The following SLC25A42 variants were observed in gnomAD, a reference collection of about 807,000 sequenced individuals.
The protein encoded by SLC25A42 is mitochondrial coenzyme A transporter SLC25A42.
A neutral mutation model predicts 34.7 loss-of-function variants in SLC25A42; 19 were observed. That is an observed-to-expected ratio of 0.55 (90% CI 0.38 to 0.80). The LOEUF is 0.80. Among genes scored for constraint, SLC25A42 ranks in the 30% least tolerant of loss-of-function variants. The pLI, the probability that SLC25A42 is intolerant of heterozygous loss-of-function variation, is 0.00. For synonymous variants in SLC25A42, 205 were observed against 191.2 expected (o/e 1.07, Z -0.59); for missense variants, 364 against 441.3 (o/e 0.82, Z 1.57).
chr19:19,071,965 C>A (rs1315196362), intron 1 of SLC25A42, among the ~76,000 whole-genome samples: 2 of 152,104 alleles, frequency 1.3e-5, no homozygotes, highest in African/African-American at 4.8e-5. Context: ...GGGAGATTAA[C>A]CTGTGGGGGG....
At chr19:19,088,058 C>G (rs1316080623) in intron 1 of SLC25A42, among the ~76,000 whole-genome samples, 2 of 152,186 alleles carry the variant, frequency 1.3e-5, no homozygotes, top group Admixed American at 1.3e-4. Flanking sequence ...GTTTCCGGAG[C>G]TGGTTGCTGC....
chr19:19,069,716 A>T (rs369901126), intron 1 of SLC25A42, among the ~76,000 whole-genome samples: 1 of 152,090 alleles, frequency 6.6e-6, no homozygotes, highest in African/African-American at 2.4e-5. Flanking sequence ...GTGCAGTGAT[A>T]TGATCATAGT....
Position 19,096,162 on chromosome 19 carries a change from A to G in SLC25A42, c.38A>G (p.His13Arg). ...GTGAAGGAAGGCCCGGTGCGATTGCATGAGGATGCTGAGGCTGTCCTGTCC... is the reference window on the plus strand; with the variant it reads ...GTGAAGGAAGGCCCGGTGCGATTGCGTGAGGATGCTGAGGCTGTCCTGTCC... ...NGVKEGPVRLHEDAEAVLSSS... is the reference protein window; with the variant it reads ...NGVKEGPVRLREDAEAVLSSS... Residue 13 changes from histidine (H) to arginine (R), a missense_variant, in exon 2 of 8, where the codon CAT (histidine) becomes CGT (arginine). Physicochemically the swap from His to Arg is conservative, Grantham distance 29. Transcript: ENST00000318596. The G allele has an allele frequency of 6.2e-7, 1 of 1,613,254 alleles. No individual in the cohort carries two copies. The highest frequency in any genetic ancestry group is 1.1e-5 in the South Asian group (1 of 91,074).
At chr19:19,108,216 C>T (rs960900618) in intron 7 of SLC25A42, among the ~76,000 whole-genome samples, 171 bp downstream of exon 7, 8 of 152,122 alleles carry the variant, frequency 5.3e-5, no homozygotes, top group Non-Finnish European at 7.4e-5. Flanking sequence ...TGTGTGCAGC[C>T]GCCACTGAGG....
intron 1 of SLC25A42, among the ~76,000 whole-genome samples, chr19:19,089,992 G>A (rs2059729764): frequency 6.6e-6 from 1 of 152,232 alleles, no homozygotes; most frequent in Non-Finnish European, 1.5e-5. Context: ...TGCCTTCTGA[G>A]CTTTCCTTGG....
Position 19,095,958 on chromosome 19 carries a change from G to A in SLC25A42, c.-34-133G>A, listed in dbSNP as rs553201626. 9.8e-6 allele frequency: 7 copies of A among 710,684 alleles called. No homozygotes were observed. The East Asian group carries it at 1.3e-4, about 14-fold the overall frequency. 44.0% of individuals were successfully genotyped at this position (710,684 alleles called of 1,614,324 possible). ...ATGATTAAGCAGTACACACAGGACC[G>A]TGGCTGCGGAATGCAGTTGAGGGCA... On this transcript the variant is annotated intron_variant, in intron 1 of 7. Coordinates refer to ENST00000318596, the MANE Select transcript of SLC25A42 (RefSeq NM_178526.5).
At chr19:19,105,497 C>T in intron 4 of SLC25A42, 64 bp from the exon 5 acceptor site, 1 of 1,565,078 alleles carries the variant, frequency 6.4e-7, no homozygotes. Flanking sequence ...CTCTGCTGGT[C>T]ACAGAGGCCC....
At chr19:19,095,952 A>G in intron 1 of SLC25A42, 139 bp from the exon 2 acceptor site, 1 of 707,832 alleles carries the variant, frequency 1.4e-6, no homozygotes, top group Non-Finnish European at 2.6e-6. Context: ...CAGTACACAC[A>G]GGACCGTGGC....
At chr19:19,107,635 AAAAC>A (rs1440673428) in intron 6 of SLC25A42, among the ~76,000 whole-genome samples, 1 of 152,198 alleles carries the variant, frequency 6.6e-6, no homozygotes, top group Non-Finnish European at 1.5e-5. Flanking sequence ...TCTCAAAACA[AAAAC>A]AAAGAAACAA....
At chr19:19,098,668 C>G (rs1035758881) in intron 2 of SLC25A42, among the ~76,000 whole-genome samples, 1 of 152,092 alleles carries the variant, frequency 6.6e-6, no homozygotes, top group African/African-American at 2.4e-5. Flanking sequence ...CCTGTAATCC[C>G]AACACTTTGG....
At chr19:19,090,145 T>A (rs1172016866) in intron 1 of SLC25A42, among the ~76,000 whole-genome samples, 2 of 152,168 alleles carry the variant, frequency 1.3e-5, no homozygotes, top group Non-Finnish European at 2.9e-5. Flanking sequence ...AAGGCCAAGT[T>A]TGGGTTTTGA....
At position 19,110,563 on chromosome 19, in the gene SLC25A42, C is replaced by T. The variant is rs1256662233; in HGVS notation, c.650-6C>T. 7.1e-7 allele frequency: 1 copy of T among 1,407,542 alleles called. No homozygotes were observed. The highest frequency in any genetic ancestry group is 9.2e-7 in the Non-Finnish European group (1 of 1,089,228). The allele number at this position is 1,407,542 out of a possible 1,614,324, so 87.2% of individuals were successfully genotyped here. ...CTTCACGGCCCTCCCGCCCCTCGCC[C>T]TGCAGAGTACAGCGGCCGCCGGCAG... On this transcript the variant is annotated splice_polypyrimidine_tract_variant and splice_region_variant and intron_variant, in intron 7 of 7. Coordinates refer to ENST00000318596, the MANE Select transcript of SLC25A42 (RefSeq NM_178526.5).
intron 1 of SLC25A42, among the ~76,000 whole-genome samples, chr19:19,071,018 G>T (rs1353676332): frequency 3.5e-5 from 5 of 141,356 alleles, no homozygotes; most frequent in African/African-American, 1.2e-4. Flanking sequence ...TTTAATACAG[G>T]GTCTCACTTT....
intron 1 of SLC25A42, among the ~76,000 whole-genome samples, chr19:19,070,095 A>T (rs900298871): frequency 4.0e-5 from 6 of 149,406 alleles, no homozygotes; most frequent in Admixed American, 1.3e-4. Context: ...CCAGGTTCAC[A>T]CCATTCTCCT....
At chr19:19,095,490 G>A (rs1160950400) in intron 1 of SLC25A42, among the ~76,000 whole-genome samples, 1 of 152,114 alleles carries the variant, frequency 6.6e-6, no homozygotes, top group African/African-American at 2.4e-5. Flanking sequence ...GCAGGCGCCT[G>A]TAGTCCCAGC....
chr19:19,085,965 G>A (rs2059706253), intron 1 of SLC25A42, among the ~76,000 whole-genome samples: 1 of 152,210 alleles, frequency 6.6e-6, no homozygotes, highest in Admixed American at 6.5e-5. Flanking sequence ...GCCCCTGGGT[G>A]TAGCCACGCT....
At chr19:19,066,453 C>T (rs1568504289) in intron 1 of SLC25A42, among the ~76,000 whole-genome samples, 2 of 131,778 alleles carry the variant, frequency 1.5e-5, no homozygotes, top group Non-Finnish European at 1.6e-5. Context: ...TTTTTTCTTT[C>T]TTTTTTTTTT....
chr19:19,097,203 G>T (rs554071110), intron 2 of SLC25A42, among the ~76,000 whole-genome samples: 2 of 152,228 alleles, frequency 1.3e-5, no homozygotes, highest in East Asian at 3.9e-4. Flanking sequence ...CAGGCCGACC[G>T]CACAGGCAGT....
intron 1 of SLC25A42, among the ~76,000 whole-genome samples, chr19:19,084,595 C>T (rs370458732): frequency 2.0e-4 from 31 of 152,288 alleles, no homozygotes; most frequent in African/African-American, 6.5e-4. Flanking sequence ...CTCCCCTTTC[C>T]GGGAGGTGGA....
Sources: allele counts gnomAD v4.1 joint callset (sites outside exome capture counted in the v4.1 genomes callset), GRCh38; gene constraint gnomAD v4.1.1; transcripts MANE v1.5; gene names NCBI Gene and HGNC (gene_info 2026-07-23, HGNC 2026-07-21).